TPM4: variants seen among roughly 807,000 people sequenced by gnomAD.
TPM4 encodes the protein tropomyosin 4.
TPM4 carries 17 observed loss-of-function variants against 35.8 expected under a neutral mutation model. That is an observed-to-expected ratio of 0.47 (90% CI 0.32 to 0.71). The LOEUF (loss-of-function observed/expected upper bound fraction) is 0.71. TPM4 is among the 30% of genes least tolerant of loss of function. The pLI, the probability that TPM4 is intolerant of heterozygous loss-of-function variation, is 0.03. For missense variants in TPM4, 240 were observed against 320.9 expected, an observed-to-expected ratio of 0.75 and a Z score of 1.93; for synonymous variants, 120 against 122.9, an observed-to-expected ratio of 0.98 and a Z score of 0.15.
intron 1 of TPM4, 30 bp from the exon 2 acceptor site, chr19:16,081,883 T>G: frequency 6.4e-7 from 1 of 1,560,188 alleles, no homozygotes; most frequent in South Asian, 1.1e-5. Flanking sequence ...CTGATACTTC[T>G]TAACATGGCT....
intron 7 of TPM4, among the ~76,000 whole-genome samples, chr19:16,096,932 C>A (rs977924776): frequency 1.2e-4 from 11 of 91,426 alleles, no homozygotes; most frequent in South Asian, 3.5e-4. Context: ...AAAACAAGGT[C>A]ACTCTTTTTT....
At chr19:16,097,846 C>T (rs999494857) in intron 7 of TPM4, among the ~76,000 whole-genome samples, 1 of 152,100 alleles carries the variant, frequency 6.6e-6, no homozygotes, top group African/African-American at 2.4e-5. Context: ...ATTACTCTCT[C>T]TATTCATCCA....
At chr19:16,099,419 A>G (rs891752190) in intron 7 of TPM4, among the ~76,000 whole-genome samples, 3 of 151,860 alleles carry the variant, frequency 2.0e-5, no homozygotes, top group African/African-American at 7.3e-5. Context: ...CCCCATCTCT[A>G]CTAAAAATAC....
chr19:16,085,926 G>A (rs1461849657), intron 2 of TPM4, among the ~76,000 whole-genome samples: 2 of 151,914 alleles, frequency 1.3e-5, no homozygotes, highest in South Asian at 2.1e-4. Flanking sequence ...AAAGTTAGCC[G>A]GTCACGGTGG....
chr19:16,086,158 T>C (rs2090549051), intron 2 of TPM4, among the ~76,000 whole-genome samples: 2 of 150,772 alleles, frequency 1.3e-5, no homozygotes, highest in Non-Finnish European at 2.9e-5. Context: ...ATTCAGAGAC[T>C]CATTTAGATG....
chr19:16,088,888 C>T (rs1229802589), intron 4 of TPM4, 157 bp from the exon 5 acceptor site: 3 of 1,448,752 alleles, frequency 2.1e-6, no homozygotes, highest in East Asian at 2.6e-5. Context: ...TATCACACTG[C>T]AGAAAAATCC....
upstream of TPM4, chr19:16,076,299 T>C: frequency 1.3e-6 from 2 of 1,511,718 alleles, no homozygotes; most frequent in African/African-American, 1.4e-5. Context: ...CAGCGCTTTC[T>C]CCAAATAAGT....
chr19:16,073,938 TAAAAA>T (rs71178637), upstream of TPM4, among the ~76,000 whole-genome samples: 8,313 of 35,298 alleles, frequency 0.24, 239 homozygotes, highest in Admixed American at 0.38. Context: ...GAAGACCATG[TAAAAA>T]AAAAAAAAAA....
intron 2 of TPM4, among the ~76,000 whole-genome samples, chr19:16,083,935 A>AT (rs1050521358): frequency 8.6e-5 from 13 of 150,800 alleles, no homozygotes; most frequent in East Asian, 3.9e-4. Context: ...TGCCCAGCTA[A>AT]TTTTTTTTTG....
chr19:16,075,990 C>T, upstream of TPM4: 7 of 1,551,458 alleles, frequency 4.5e-6, no homozygotes, highest in South Asian at 1.2e-5. Flanking sequence ...CGCCCCTGCA[C>T]CTCGGGGACG....
intron 1 of TPM4, chr19:16,076,951 A>T: frequency 5.0e-6 from 3 of 594,942 alleles, no homozygotes; most frequent in Non-Finnish European, 4.6e-6. Context: ...CAAGCGGGAA[A>T]TGGGGGGATG....
chr19:16,076,396 C>T (rs552970634), upstream of TPM4: 39 of 1,378,344 alleles, frequency 2.8e-5, no homozygotes, highest in African/African-American at 4.9e-4. Flanking sequence ...GCGGTCCGGC[C>T]GGGTGACCTC....
intron 5 of TPM4, among the ~76,000 whole-genome samples, chr19:16,091,209 G>A (rs1599379548): frequency 1.3e-5 from 2 of 151,860 alleles, no homozygotes; most frequent in African/African-American, 2.4e-5. Flanking sequence ...CACACACCAC[G>A]CCCAGCTAAT....
chr19:16,083,983 C>T (rs542212284), intron 2 of TPM4, among the ~76,000 whole-genome samples: 1 of 152,012 alleles, frequency 6.6e-6, no homozygotes, highest in Non-Finnish European at 1.5e-5. Context: ...CTGGAGTGCA[C>T]TGGCGTGATC....
intron 7 of TPM4, chr19:16,095,431 C>T (rs2090684252): frequency 1.9e-6 from 2 of 1,029,454 alleles, no homozygotes; most frequent in African/African-American, 3.4e-5. Context: ...GGTGGCCTGC[C>T]TTCTGGTTTG....
At chr19:16,089,186 GC>G (rs200985376) in intron 5 of TPM4, 66 bp downstream of exon 5, 42,736 of 1,598,410 alleles carry the variant, frequency 0.027, 686 homozygotes, top group Non-Finnish European at 0.031. Context: ...CCCGAGGGAT[GC>G]AGGAGCCTGT....
At position 16,067,684 on chromosome 19, in the gene TPM4, C is replaced by T; in HGVS notation, c.60C>T (p.Asp20=). The T allele has an allele frequency of 1.9e-6, 3 of 1,613,680 alleles. No individual in the cohort carries two copies. The highest frequency in any genetic ancestry group is 1.7e-6 in the Non-Finnish European group (2 of 1,179,862). ...AGTTGGACAAGGAGAATGCCATCGA[C>T]CGCGCGGAGCAGGCGGAGGCGGATA... is the stretch of plus-strand genomic sequence containing the variant. The change falls in exon 2 of 3, where the codon GAC becomes GAT. Residue 20 remains aspartate, a synonymous_variant. Transcript: ENST00000589897. The surrounding 1 kb of genome is among the most constrained non-coding windows in gnomAD (Gnocchi z 4.1).
In TPM4 at chr19:16,067,815, T is replaced by C. The variant is rs549084658; in HGVS notation, c.114+77T>C. The C allele has an allele frequency of 2.1e-5, 30 of 1,412,354 alleles. No individual in the cohort carries two copies. Among genetic ancestry groups the C allele is most frequent in the Admixed American group, 4.5e-5 (2 of 44,010 alleles). 87.5% of individuals were successfully genotyped at this position (1,412,354 alleles called of 1,614,324 possible). A position where few individuals can be genotyped will look rare whatever the true frequency, so the allele number is the denominator to read the frequency against. ...CGGAAGGCCGGGGTCTGGAGCCCAG[T>C]TGGGGGTCGCAGACACCTGCGGGAG... On this transcript the variant is annotated intron_variant, in intron 2 of 2. Coordinates refer to the TPM4 transcript ENST00000589897. The surrounding 1 kb of genome is among the most constrained non-coding windows in gnomAD (Gnocchi z 4.1).
chr19:16,070,787 G>A lies in TPM4; in HGVS notation c.114+3049G>A, dbSNP rs1255833926. Among the ~76,000 whole-genome samples the A allele has an allele frequency of 6.6e-6, 1 of 151,150 alleles. No individual in the cohort carries two copies. The highest frequency in any genetic ancestry group is 6.6e-5 in the Admixed American group (1 of 15,150). ...CCCCAGGGCTGCCCTAAGAGTATGT[G>A]GCACATTCGTGCAGGCCAAGCCCCA... On this transcript the variant is annotated intron_variant, in intron 2 of 2. Coordinates refer to the TPM4 transcript ENST00000589897. This position sits in a 1 kb window ranked among gnomAD's most constrained non-coding sequence, Gnocchi z 7.4.
Sources: gnomAD v4.1 joint callset for allele counts (sites outside exome capture counted in the v4.1 genomes callset) on GRCh38, gnomAD v4.1.1 for gene constraint, Gnocchi (gnomAD v3.1) non-coding constraint, MANE v1.5 for transcripts, NCBI Gene and HGNC (gene_info 2026-07-23, HGNC 2026-07-21) for gene names.